SSBP3: variants seen among roughly 807,000 people sequenced by gnomAD.
SSBP3 encodes the protein single stranded DNA binding protein 3, also known as single-stranded DNA-binding protein 3.
In SSBP3, 5 loss-of-function variants were observed where a neutral mutation model predicts 69.6. That is an observed-to-expected ratio of 0.07 (90% CI 0.04 to 0.15). The LOEUF (loss-of-function observed/expected upper bound fraction) is 0.15, where lower values mean the gene tolerates loss of function less well. Among genes scored for constraint, SSBP3 ranks in the 10% least tolerant of loss-of-function variants. The probability of loss-of-function intolerance (pLI) is 1.00; values close to 1 mark genes in which losing one functional copy is unlikely to be tolerated. For missense variants in SSBP3, 312 were observed against 534.0 expected (o/e 0.58, Z 4.10); for synonymous variants, 196 against 193.4 (o/e 1.01, Z -0.11).
chr1:54,255,830 T>C (rs1026591501), intron 7 of SSBP3: 2 of 152,112 alleles, frequency 1.3e-5, no homozygotes, highest in Non-Finnish European at 2.9e-5. Flanking sequence ...CCCAACACTG[T>C]GGGAGGCCAA....
intron 4 of SSBP3, among the ~76,000 whole-genome samples, chr1:54,331,341 C>T (rs1242121133): frequency 6.6e-6 from 1 of 152,186 alleles, no homozygotes; most frequent in Non-Finnish European, 1.5e-5. Context: ...GAAGAAAAAG[C>T]TCGCCCTTCA....
intron 9 of SSBP3, among the ~76,000 whole-genome samples, chr1:54,249,099 G>A (rs183883793): frequency 6.6e-6 from 1 of 152,116 alleles, no homozygotes; most frequent in Admixed American, 6.5e-5. Flanking sequence ...AGAGTGTGCT[G>A]GACTACGGGT....
chr1:54,240,096 G>GCA (rs1644593939), intron 13 of SSBP3, among the ~76,000 whole-genome samples: 1 of 12,828 alleles, frequency 7.8e-5, no homozygotes, highest in Non-Finnish European at 1.3e-4. Context: ...GTGCGCGCGC[G>GCA]CGCGTGTGCG....
intron 5 of SSBP3, among the ~76,000 whole-genome samples, chr1:54,259,154 AC>A (rs1383825268): frequency 1.4e-5 from 2 of 147,806 alleles, no homozygotes; most frequent in East Asian, 4.1e-4. Context: ...GGCTATGCTG[AC>A]CTCGACCCCC....
chr1:54,227,183 G>A lies in SSBP3; in HGVS notation c.1138-23C>T, dbSNP rs764276864. 4.7e-5 allele frequency: 54 copies of A among 1,158,196 alleles called. 3 individuals are homozygous for A. The highest frequency in any genetic ancestry group is 6.8e-5 in the Non-Finnish European group (54 of 797,818). The allele number at this position is 1,158,196 out of a possible 1,614,324, so 71.7% of individuals were successfully genotyped here. Reference sequence around the variant, plus strand: ...ATACTGGAAAGGAGAAGCAGAGAAGGGGGGGGGGTGAGGATTGTGGGGAGG... The same window carrying A: ...ATACTGGAAAGGAGAAGCAGAGAAGAGGGGGGGGTGAGGATTGTGGGGAGG... On this transcript the variant is annotated intron_variant, in intron 17 of 17. Coordinates refer to ENST00000610401, the Ensembl canonical transcript of SSBP3.
intron 4 of SSBP3, among the ~76,000 whole-genome samples, chr1:54,354,770 G>A (rs377333760): frequency 2.1e-4 from 32 of 152,302 alleles, no homozygotes; most frequent in African/African-American, 3.6e-4. Flanking sequence ...CCAACCAATC[G>A]GAGATCCCTG....
intron 4 of SSBP3, among the ~76,000 whole-genome samples, chr1:54,386,128 A>G (rs987052895): frequency 1.1e-4 from 17 of 152,212 alleles, no homozygotes; most frequent in African/African-American, 4.1e-4. Context: ...GGTTCAGTGC[A>G]GTTCTAGAGG....
chr1:54,311,728 CAG>C (rs1646006604), intron 4 of SSBP3, among the ~76,000 whole-genome samples: 3 of 152,270 alleles, frequency 2.0e-5, no homozygotes, highest in South Asian at 4.1e-4. Context: ...CGTGCCGAGT[CAG>C]AGTCTCCAAT....
chr1:54,318,994 G>C (rs1390627533), intron 4 of SSBP3, among the ~76,000 whole-genome samples: 1 of 152,102 alleles, frequency 6.6e-6, no homozygotes, highest in African/African-American at 2.4e-5. Context: ...TTGAGGCTTG[G>C]AAACACTGCA....
At chr1:54,238,461 G>A (rs1644540403) in intron 14 of SSBP3, 1 of 388,022 alleles carries the variant, frequency 2.6e-6, no homozygotes, top group African/African-American at 2.1e-5. Context: ...CCTGTGGAGG[G>A]GAAGCAGATC....
At chr1:54,296,703 G>A (rs967517407) in intron 4 of SSBP3, among the ~76,000 whole-genome samples, 21 of 152,170 alleles carry the variant, frequency 1.4e-4, no homozygotes, top group African/African-American at 5.1e-4. Context: ...GCATCCCCTG[G>A]AACAGTGCCT....
At position 54,242,147 on chromosome 1, in the gene SSBP3, C is replaced by A; in HGVS notation, c.765+17G>T. The stretch of plus-strand genomic sequence containing the variant: ...GCTCCCCTGACAAACACCACCCCAC[C>A]CGACCCAGGTACTCACTGAGTTAGC... On this transcript the variant is annotated intron_variant, in intron 11 of 17. Coordinates refer to ENST00000610401, the Ensembl canonical transcript of SSBP3. 6.2e-7 allele frequency: 1 copy of A among 1,612,410 alleles called. No individual in the cohort carries two copies. The highest frequency in any genetic ancestry group is 2.0e-4 in the Middle Eastern group (1 of 5,100).
intron 4 of SSBP3, among the ~76,000 whole-genome samples, chr1:54,314,258 T>G (rs1156734549): frequency 1.3e-5 from 2 of 152,142 alleles, no homozygotes; most frequent in African/African-American, 2.4e-5. Flanking sequence ...GAAGACCACA[T>G]ACTGACAAGA....
intron 4 of SSBP3, among the ~76,000 whole-genome samples, chr1:54,331,062 T>G (rs1192158869): frequency 1.3e-5 from 2 of 152,226 alleles, no homozygotes; most frequent in Admixed American, 6.5e-5. Flanking sequence ...AGAAAGCCCT[T>G]CAAAATTTCC....
At chr1:54,398,400 G>A (rs1184411104) in intron 4 of SSBP3, among the ~76,000 whole-genome samples, 1 of 152,192 alleles carries the variant, frequency 6.6e-6, no homozygotes, top group East Asian at 1.9e-4. Flanking sequence ...GACATCAAAA[G>A]GAAAACACAA....
chr1:54,301,917 T>C (rs770489219), intron 4 of SSBP3, among the ~76,000 whole-genome samples: 1 of 152,130 alleles, frequency 6.6e-6, no homozygotes, highest in Non-Finnish European at 1.5e-5. Flanking sequence ...CTCCCCCAAA[T>C]TATGTGTGCA....
chr1:54,402,469 A>T (rs1227971212), intron 3 of SSBP3, among the ~76,000 whole-genome samples: 2 of 152,146 alleles, frequency 1.3e-5, no homozygotes, highest in Non-Finnish European at 2.9e-5. Flanking sequence ...TGGCAATAGG[A>T]ACTTTACAGG....
intron 4 of SSBP3, among the ~76,000 whole-genome samples, chr1:54,301,631 G>C (rs1316778471): frequency 6.6e-6 from 1 of 152,194 alleles, no homozygotes; most frequent in Non-Finnish European, 1.5e-5. Context: ...AGGGAGAGAA[G>C]AACAAATGGG....
At chr1:54,294,159 A>AG (rs1553133244) in intron 4 of SSBP3, among the ~76,000 whole-genome samples, 21 of 86,186 alleles carry the variant, frequency 2.4e-4, no homozygotes, top group African/African-American at 8.6e-4. Context: ...AAAAAAAAAA[A>AG]AAAGAAAGAA....
Sources: gnomAD v4.1 joint callset for allele counts (sites outside exome capture counted in the v4.1 genomes callset) on GRCh38, gnomAD v4.1.1 for gene constraint, MANE v1.5 for transcripts, NCBI Gene and HGNC (gene_info 2026-07-23, HGNC 2026-07-21) for gene names.